SEM1: variants seen among roughly 807,000 people sequenced by gnomAD.
SEM1 encodes the protein 26S proteasome complex subunit SEM1.
SEM1 carries 3 observed loss-of-function variants against 12.7 expected under a neutral mutation model. The ratio of observed to expected loss-of-function variants is 0.24; its 90% CI spans 0.11 to 0.61. The LOEUF is 0.61. Ranked by LOEUF, SEM1 falls within the 20% of genes least tolerant of loss-of-function variation. The probability of loss-of-function intolerance (pLI) is 0.88; values close to 1 mark genes in which losing one functional copy is unlikely to be tolerated. For synonymous variants in SEM1, 30 were observed against 27.8 expected (o/e 1.08, Z -0.25); for missense variants, 59 against 81.3 (o/e 0.73, Z 1.06).
chr7:96,578,891 A>G (rs1806293335), intron 2 of SEM1, among the ~76,000 whole-genome samples: 1 of 152,146 alleles, frequency 6.6e-6, no homozygotes, highest in African/African-American at 2.4e-5. Flanking sequence ...TATTGTGAAG[A>G]ATTCATTTTA....
At chr7:96,587,885 T>C (rs17167645) in intron 2 of SEM1, among the ~76,000 whole-genome samples, 3 of 152,200 alleles carry the variant, frequency 2.0e-5, no homozygotes, top group Non-Finnish European at 4.4e-5. Context: ...TGAAGAGATA[T>C]TTAACACATA....
At chr7:96,603,571 T>TA (rs1218156263) in intron 2 of SEM1, among the ~76,000 whole-genome samples, 18 of 152,182 alleles carry the variant, frequency 1.2e-4, no homozygotes, top group Non-Finnish European at 8.8e-5. Context: ...TGTACGCACA[T>TA]AAAAAAGGTA....
intron 2 of SEM1, among the ~76,000 whole-genome samples, chr7:96,573,088 G>A (rs911639951): frequency 6.8e-6 from 1 of 146,694 alleles, no homozygotes; most frequent in Admixed American, 6.9e-5. Flanking sequence ...TGTTTCATCA[G>A]AGACTAGGAT....
chr7:96,691,161 T>C (rs10264107), intron 2 of SEM1, among the ~76,000 whole-genome samples: 4,222 of 152,190 alleles, frequency 0.028, 221 homozygotes, highest in African/African-American at 0.096. Flanking sequence ...CATAAACAAA[T>C]GATATCAGAA....
chr7:96,482,335 A>G (rs941417432), exon 4 of SEM1: 2 of 152,186 alleles, frequency 1.3e-5, no homozygotes, highest in East Asian at 3.9e-4. Context: ...GCTCTTTAAT[A>G]CATTTATTTG....
intron 2 of SEM1, among the ~76,000 whole-genome samples, chr7:96,592,645 T>C (rs1405622780): frequency 6.6e-6 from 1 of 151,386 alleles, no homozygotes; most frequent in African/African-American, 2.4e-5. Flanking sequence ...AAAGCACACG[T>C]ATTCGGGGCA....
chr7:96,598,952 A>G (rs1223927323), intron 2 of SEM1, among the ~76,000 whole-genome samples: 1 of 152,168 alleles, frequency 6.6e-6, no homozygotes, highest in African/African-American at 2.4e-5. Context: ...AACATAAAGT[A>G]TTAGAAAAGT....
intron 2 of SEM1, among the ~76,000 whole-genome samples, chr7:96,592,905 C>A (rs1444299485): frequency 3.3e-5 from 5 of 150,022 alleles, no homozygotes; most frequent in African/African-American, 1.2e-4. Flanking sequence ...AGTTTAGGAC[C>A]AAAAGCAACC....
At chr7:96,598,591 C>T (rs904477280) in intron 2 of SEM1, among the ~76,000 whole-genome samples, 2 of 152,068 alleles carry the variant, frequency 1.3e-5, no homozygotes, top group African/African-American at 4.8e-5. Flanking sequence ...CCATGTTCCA[C>T]CTGAAGCAGG....
intron 2 of SEM1, among the ~76,000 whole-genome samples, chr7:96,510,234 A>G (rs939254367): frequency 3.3e-5 from 5 of 152,140 alleles, no homozygotes; most frequent in African/African-American, 4.8e-5. Context: ...AAGTACAGTC[A>G]TGTATCACTT....
chr7:96,581,670 T>C (rs566875968), intron 2 of SEM1, among the ~76,000 whole-genome samples: 1 of 152,322 alleles, frequency 6.6e-6, no homozygotes, highest in Admixed American at 6.5e-5. Flanking sequence ...GTAGTTCTCC[T>C]TGAAGAGGTC....
At chr7:96,631,944 T>C (rs1173022413) in intron 2 of SEM1, among the ~76,000 whole-genome samples, 1 of 152,062 alleles carries the variant, frequency 6.6e-6, no homozygotes, top group African/African-American at 2.4e-5. Flanking sequence ...CCAACGGACA[T>C]ATGAAAAAAT....
At chr7:96,600,231 C>T (rs2116185750) in intron 2 of SEM1, among the ~76,000 whole-genome samples, 1 of 152,202 alleles carries the variant, frequency 6.6e-6, no homozygotes, top group East Asian at 1.9e-4. Context: ...TCTTATGTAG[C>T]AACAGCAGTA....
At chr7:96,655,442 C>CTTTTT (rs72335497) in intron 2 of SEM1, among the ~76,000 whole-genome samples, 1 of 137,698 alleles carries the variant, frequency 7.3e-6, no homozygotes, top group Non-Finnish European at 1.6e-5. Context: ...ATGCAAATAC[C>CTTTTT]TTTTTTTTTT....
chr7:96,506,078 A>G (rs955460711), intron 3 of SEM1, among the ~76,000 whole-genome samples: 30 of 152,220 alleles, frequency 2.0e-4, no homozygotes, highest in African/African-American at 7.0e-4. Flanking sequence ...GCACTACTTA[A>G]TCTATTTCTG....
intron 2 of SEM1, among the ~76,000 whole-genome samples, chr7:96,541,479 T>G (rs1252882736): frequency 7.4e-5 from 11 of 147,730 alleles, no homozygotes; most frequent in Non-Finnish European, 1.5e-4. Context: ...TTTAAGTTCC[T>G]TATAGATTCC....
chr7:96,604,052 C>T (rs1159526986), intron 2 of SEM1, among the ~76,000 whole-genome samples: 2 of 151,606 alleles, frequency 1.3e-5, no homozygotes, highest in Non-Finnish European at 2.9e-5. Context: ...CAAAATATTC[C>T]TTAGAGGACA....
downstream of SEM1, among the ~76,000 whole-genome samples, chr7:96,620,312 AG>A (rs1807852343): frequency 1.3e-5 from 2 of 152,114 alleles, 1 homozygote; most frequent in Middle Eastern, 6.3e-3. Context: ...GGACCCTCCC[AG>A]GGGGTGCACG....
chr7:96,700,222 G>C (rs550561909), intron 1 of SEM1, among the ~76,000 whole-genome samples: 4 of 152,124 alleles, frequency 2.6e-5, no homozygotes, highest in Non-Finnish European at 5.9e-5. Flanking sequence ...CTAATCACTG[G>C]AAAGGCAATT....
Sources: gnomAD v4.1 joint callset for allele counts (sites outside exome capture counted in the v4.1 genomes callset) on GRCh38, gnomAD v4.1.1 for gene constraint, MANE v1.5 for transcripts, NCBI Gene and HGNC (gene_info 2026-07-23, HGNC 2026-07-21) for gene names.